RASGRP3: variants seen among roughly 807,000 people sequenced by gnomAD.
RASGRP3 encodes the protein RAS guanyl releasing protein 3.
Under a neutral mutation model 82.7 loss-of-function variants are expected in RASGRP3, and 54 were observed. The observed-to-expected ratio is 0.65, with a 90% CI of 0.52 to 0.82. The LOEUF is 0.82. Ranked by LOEUF, RASGRP3 falls within the 40% of genes least tolerant of loss-of-function variation. The pLI is 0.00. For missense variants in RASGRP3, 861 were observed against 828.9 expected, an observed-to-expected ratio of 1.04 and a Z score of -0.48; for synonymous variants, 309 against 300.5, an observed-to-expected ratio of 1.03 and a Z score of -0.29.
At chr2:33,529,486 T>TGAAAAAAAAAAAAAAAAAAAAA (rs1558491469) in intron 10 of RASGRP3, among the ~76,000 whole-genome samples, 1 of 6,082 alleles carries the variant, frequency 1.6e-4, no homozygotes, top group African/African-American at 1.1e-3. Flanking sequence ...AGACTCCATC[T>TGAAAAAAAAAAAAAAAAAAAAA]CAAAAAAAAA....
At chr2:33,501,806 G>T (rs1669900708) in intron 1 of RASGRP3, among the ~76,000 whole-genome samples, 1 of 152,192 alleles carries the variant, frequency 6.6e-6, no homozygotes, top group African/African-American at 2.4e-5. Context: ...AGACGATGAG[G>T]TATGACCAGA....
rs1344175540 is a variant in RASGRP3 at position 33,564,463 on chromosome 2, C to G, written c.*1726C>G. 3.3e-5 allele frequency: 5 copies of G among 152,080 alleles called. No individual in the cohort carries two copies. Among genetic ancestry groups the G allele is most frequent in the Admixed American group, 2.6e-4 (4 of 15,272 alleles). The allele number at this position is 152,080 out of a possible 1,614,324, so 9.4% of individuals were successfully genotyped here. A position where few individuals can be genotyped will look rare whatever the true frequency, so the allele number is the denominator to read the frequency against. ...CACTATCTACTACTATCCATAAATG[C>G]AATAATATGCATGTTAACAACATTA... On this transcript the variant is annotated 3_prime_UTR_variant, in exon 18 of 18. Transcript: ENST00000403687.
intron 14 of RASGRP3, among the ~76,000 whole-genome samples, chr2:33,554,399 C>G (rs1360759631): frequency 6.6e-6 from 1 of 152,184 alleles, no homozygotes; most frequent in Non-Finnish European, 1.5e-5. Flanking sequence ...CATTTAATTA[C>G]CCATACTGTA....
chr2:33,470,504 C>T (rs906270019), intron 2 of RASGRP3, among the ~76,000 whole-genome samples: 10 of 151,768 alleles, frequency 6.6e-5, no homozygotes, highest in African/African-American at 1.5e-4. Flanking sequence ...CTCAGCCTCC[C>T]GAGTAGCTGG....
At chr2:33,523,232 G>C (rs1020862574) in intron 7 of RASGRP3, among the ~76,000 whole-genome samples, 32 of 152,096 alleles carry the variant, frequency 2.1e-4, no homozygotes, top group Admixed American at 2.1e-3. Context: ...GGGAGGCCAA[G>C]GTGGGCAGAT....
intron 1 of RASGRP3, among the ~76,000 whole-genome samples, chr2:33,487,145 T>C (rs1286216690): frequency 6.6e-6 from 1 of 152,182 alleles, no homozygotes; most frequent in African/African-American, 2.4e-5. Flanking sequence ...TATTTTAGTA[T>C]GTGTTTCTAA....
At position 33,527,100 on chromosome 2, in the gene RASGRP3, A is replaced by C. The variant is rs377143774; in HGVS notation, c.808-37A>C. 3 of 1,608,058 alleles carry C rather than the reference A, an allele frequency of 1.9e-6. No homozygotes were observed. The African/African-American group carries it at 4.0e-5, about 22-fold the overall frequency. On this transcript the variant is annotated intron_variant, in intron 9 of 17. Coordinates refer to ENST00000403687, the MANE Select transcript of RASGRP3 (RefSeq NM_001139488.2). ...GGGCCCGGGGGTGTGCAGGAGGGAA[A>C]GTTGTTTGAAAATTCTACTTTTCCA...
At chr2:33,527,069 A>T in intron 9 of RASGRP3, 68 bp from the exon 10 acceptor site, 1 of 1,522,738 alleles carries the variant, frequency 6.6e-7, no homozygotes, top group Non-Finnish European at 8.9e-7. Flanking sequence ...CTAGCCACAC[A>T]TTGCAGGGCC....
chr2:33,550,849 T>G (rs993862453), intron 14 of RASGRP3, among the ~76,000 whole-genome samples: 1 of 152,112 alleles, frequency 6.6e-6, no homozygotes, highest in South Asian at 2.1e-4. Context: ...CCTCTGAGAA[T>G]GGGTAAATAA....
chr2:33,539,286 G>A (rs973110610), intron 12 of RASGRP3, 76 bp downstream of exon 12: 1 of 1,186,852 alleles, frequency 8.4e-7, no homozygotes, highest in Non-Finnish European at 1.2e-6. Flanking sequence ...CGATTGTCCA[G>A]GAATCTGATG....
chr2:33,490,365 C>G (rs79545172), intron 1 of RASGRP3, among the ~76,000 whole-genome samples: 2,324 of 152,324 alleles, frequency 0.015, 60 homozygotes, highest in African/African-American at 0.053. Context: ...CTCTTGCACT[C>G]ACACCAAACT....
At chr2:33,518,975 A>G (rs547341523) in intron 4 of RASGRP3, among the ~76,000 whole-genome samples, 1 of 152,352 alleles carries the variant, frequency 6.6e-6, no homozygotes, top group East Asian at 1.9e-4. Context: ...TTTAAGTAAA[A>G]GGAGTACTCT....
intron 15 of RASGRP3, among the ~76,000 whole-genome samples, chr2:33,557,045 T>G (rs1223841856): frequency 1.3e-5 from 2 of 152,112 alleles, no homozygotes; most frequent in African/African-American, 4.8e-5. Context: ...TCATTAAGAC[T>G]ATTTGAAACA....
chr2:33,521,257 T>C (rs888560498), intron 6 of RASGRP3, among the ~76,000 whole-genome samples: 1 of 152,196 alleles, frequency 6.6e-6, no homozygotes. Context: ...AGCTCAGTTA[T>C]TAGGTAACCG....
At chr2:33,456,598 T>A (rs528886129) in intron 2 of RASGRP3, among the ~76,000 whole-genome samples, 10 of 152,304 alleles carry the variant, frequency 6.6e-5, no homozygotes, top group African/African-American at 2.4e-4. Flanking sequence ...TTAGTTCCAC[T>A]CTGTTTTAAA....
At chr2:33,470,251 A>G (rs543891766) in intron 2 of RASGRP3, among the ~76,000 whole-genome samples, 122 of 152,284 alleles carry the variant, frequency 8.0e-4, no homozygotes, top group African/African-American at 2.8e-3. Context: ...AAACTTTCCA[A>G]TACAGAAATG....
chr2:33,543,884 T>C (rs147730466), intron 13 of RASGRP3, among the ~76,000 whole-genome samples: 39 of 152,300 alleles, frequency 2.6e-4, no homozygotes, highest in Middle Eastern at 3.4e-3. Context: ...ATTTGCTATA[T>C]TGCTTCTATT....
chr2:33,480,688 G>A (rs1006437308), intron 1 of RASGRP3, among the ~76,000 whole-genome samples: 1 of 152,168 alleles, frequency 6.6e-6, no homozygotes, highest in African/African-American at 2.4e-5. Flanking sequence ...TTGCCCAATT[G>A]TGTGTTTCAA....
chr2:33,453,171 C>G (rs914323206), intron 2 of RASGRP3, among the ~76,000 whole-genome samples: 1 of 152,322 alleles, frequency 6.6e-6, no homozygotes, highest in Admixed American at 6.5e-5. Context: ...CCAGAGACAT[C>G]AAAATGGATT....
Sources: allele counts gnomAD v4.1 joint callset (sites outside exome capture counted in the v4.1 genomes callset), GRCh38; gene constraint gnomAD v4.1.1; transcripts MANE v1.5; gene names NCBI Gene and HGNC (gene_info 2026-07-23, HGNC 2026-07-21).